Variants in BANF2 observed in about 807,000 individuals in gnomAD.
The protein encoded by BANF2 is barrier-to-autointegration factor-like protein.
A neutral mutation model predicts 8.0 loss-of-function variants in BANF2; 4 were observed. The ratio of observed to expected loss-of-function variants is 0.50; its 90% CI spans 0.25 to 1.14. The LOEUF is 1.14. Ranked by LOEUF, BANF2 falls within the 50% of genes most tolerant of loss-of-function variation. The pLI, the probability that BANF2 is intolerant of heterozygous loss-of-function variation, is 0.16. For missense variants in BANF2, 96 were observed against 107.5 expected, an observed-to-expected ratio of 0.89 and a Z score of 0.47; for synonymous variants, 50 against 40.6, an observed-to-expected ratio of 1.23 and a Z score of -0.88.
upstream of BANF2, among the ~76,000 whole-genome samples, chr20:17,695,368 C>A (rs568280696): frequency 7.5e-4 from 110 of 146,290 alleles, no homozygotes; most frequent in African/African-American, 2.3e-3. Flanking sequence ...ATTGCTTGAG[C>A]CTGGGAGGTC....
chr20:17,718,133 C>T (rs2037681516), intron 1 of BANF2, among the ~76,000 whole-genome samples: 1 of 152,126 alleles, frequency 6.6e-6, no homozygotes, highest in Non-Finnish European at 1.5e-5. Context: ...GCATTTTTCC[C>T]ATTGACCTTT....
chr20:17,695,323 A>C (rs990483125), upstream of BANF2, among the ~76,000 whole-genome samples: 4 of 151,228 alleles, frequency 2.6e-5, no homozygotes, highest in Admixed American at 2.6e-4. Context: ...GCATGGTGGC[A>C]TGCCTGTAAT....
chr20:17,716,004 A>G (rs900888777), intron 1 of BANF2, among the ~76,000 whole-genome samples: 2 of 152,128 alleles, frequency 1.3e-5, no homozygotes, highest in African/African-American at 4.8e-5. Context: ...TGTGGTGACC[A>G]TGACCACGGT....
chr20:17,728,023 A>C (rs112798464), intron 3 of BANF2, among the ~76,000 whole-genome samples: 3,793 of 152,148 alleles, frequency 0.025, 65 homozygotes, highest in Non-Finnish European at 0.038. Context: ...CACCACACCC[A>C]GCCTCTTGTA....
intron 1 of BANF2, among the ~76,000 whole-genome samples, chr20:17,701,301 C>A (rs1414308266): frequency 2.6e-5 from 4 of 152,192 alleles, no homozygotes; most frequent in Non-Finnish European, 5.9e-5. Context: ...GCTGAACCTC[C>A]CGTGCCAGAC....
intron 3 of BANF2, among the ~76,000 whole-genome samples, chr20:17,729,431 G>A (rs532137805): frequency 2.0e-5 from 3 of 152,074 alleles, no homozygotes; most frequent in Admixed American, 6.5e-5. Flanking sequence ...CCCATGTTGC[G>A]ACATCTGACA....
intron 1 of BANF2, among the ~76,000 whole-genome samples, chr20:17,716,420 C>A (rs1162015739): frequency 1.3e-5 from 2 of 152,130 alleles, no homozygotes; most frequent in East Asian, 3.8e-4. Context: ...GCAGCCTTGA[C>A]CTCCCCAGGC....
At chr20:17,724,059 G>T (rs1035534701) in intron 2 of BANF2, among the ~76,000 whole-genome samples, 13 of 152,188 alleles carry the variant, frequency 8.5e-5, no homozygotes, top group African/African-American at 2.9e-4. Context: ...GGCCGGTTTT[G>T]CTGGGATGCA....
intron 1 of BANF2, among the ~76,000 whole-genome samples, chr20:17,706,207 C>CT (rs1555822871): frequency 6.6e-6 from 1 of 152,178 alleles, no homozygotes; most frequent in Non-Finnish European, 1.5e-5. Flanking sequence ...CAAGTACACA[C>CT]TTTAAATCCA....
At chr20:17,718,530 G>C (rs2037687007) in intron 1 of BANF2, among the ~76,000 whole-genome samples, 1 of 152,214 alleles carries the variant, frequency 6.6e-6, no homozygotes, top group African/African-American at 2.4e-5. Context: ...TGGTGGAAGA[G>C]ATGTCCCTTT....
At chr20:17,733,891 G>A (rs2122660383) in intron 3 of BANF2, among the ~76,000 whole-genome samples, 1 of 152,276 alleles carries the variant, frequency 6.6e-6, no homozygotes, top group Non-Finnish European at 1.5e-5. Context: ...GCTCTCTTTG[G>A]TTAAGATGAA....
intron 1 of BANF2, among the ~76,000 whole-genome samples, chr20:17,708,271 C>T (rs1412361716): frequency 6.6e-6 from 1 of 151,928 alleles, no homozygotes; most frequent in Non-Finnish European, 1.5e-5. Flanking sequence ...CCCTGATCCA[C>T]AAAAGCCTGA....
At chr20:17,706,432 C>T (rs769128609) in intron 1 of BANF2, among the ~76,000 whole-genome samples, 5 of 152,144 alleles carry the variant, frequency 3.3e-5, no homozygotes, top group South Asian at 4.1e-4. Flanking sequence ...GAGCTTAACA[C>T]GAAGGATTCA....
intron 3 of BANF2, among the ~76,000 whole-genome samples, chr20:17,732,320 C>T (rs1358952777): frequency 6.6e-6 from 1 of 152,220 alleles, no homozygotes; most frequent in Non-Finnish European, 1.5e-5. Context: ...AGGAACCTCA[C>T]TGTTTGCACT....
At chr20:17,693,691 G>C in exon 1 of BANF2, 1 of 1,551,644 alleles carries the variant, frequency 6.4e-7, no homozygotes, top group Non-Finnish European at 8.7e-7. Context: ...TGCGCTGAAT[G>C]CTGCGAGGAA....
At chr20:17,707,373 A>T (rs1457699739) in intron 1 of BANF2, among the ~76,000 whole-genome samples, 1 of 147,100 alleles carries the variant, frequency 6.8e-6, no homozygotes, top group African/African-American at 2.7e-5. Context: ...ACAGAGCGAG[A>T]CTCTGTGTCA....
chr20:17,694,205 G>A (rs1281918885), intron 1 of BANF2, among the ~76,000 whole-genome samples: 1 of 152,212 alleles, frequency 6.6e-6, no homozygotes, highest in East Asian at 1.9e-4. Flanking sequence ...GGGATGGGAG[G>A]TGGACAGTCA....
chr20:17,735,668 TAC>T lies in BANF2; in HGVS notation c.132_133del (p.Ile45ProfsTer12). On this transcript the variant is annotated frameshift_variant, in exon 4 of 4. Coordinates refer to ENST00000246090, the MANE Select transcript of BANF2 (RefSeq NM_178477.5). LOFTEE classifies it high-confidence loss of function. ...CCCTGTCTCATCCCCTCCCCAGGCC[TAC>T]ATCCTGCTGGGACAATTCCTTCTGA... ...NLVTKGINKAYILLGQFLLMH... is the reference protein window; with the variant it reads ...NLVTKGINKAXILLGQFLLMH... The T allele has an allele frequency of 6.2e-7, 1 of 1,613,692 alleles. No homozygotes were observed. The highest frequency in any genetic ancestry group is 1.1e-5 in the South Asian group (1 of 91,072).
chr20:17,706,120 G>A (rs1299907413), intron 1 of BANF2, among the ~76,000 whole-genome samples: 1 of 152,218 alleles, frequency 6.6e-6, no homozygotes, highest in Non-Finnish European at 1.5e-5. Flanking sequence ...GAAGGGGCTT[G>A]AAGGTTGGCC....
Sources: gnomAD v4.1 joint callset for allele counts (sites outside exome capture counted in the v4.1 genomes callset) on GRCh38, gnomAD v4.1.1 for gene constraint, MANE v1.5 for transcripts, NCBI Gene and HGNC (gene_info 2026-07-23, HGNC 2026-07-21) for gene names.